The following ARHGAP32 variants were observed in gnomAD, a reference collection of about 807,000 sequenced individuals.
ARHGAP32 encodes Rho GTPase activating protein 32, also known as rho GTPase-activating protein 32.
Under a neutral mutation model 186.5 loss-of-function variants are expected in ARHGAP32, and 51 were observed. That is an observed-to-expected ratio of 0.27 (90% CI 0.22 to 0.35). The LOEUF is 0.35. Ranked by LOEUF, ARHGAP32 falls within the 10% of genes least tolerant of loss-of-function variation. The pLI is 1.00. For missense variants in ARHGAP32, 2,186 were observed against 2,623.5 expected (o/e 0.83, Z 3.64); for synonymous variants, 950 against 964.3 (o/e 0.99, Z 0.27).
chr11:129,188,994 T>G (rs1944221152), intron 1 of ARHGAP32, among the ~76,000 whole-genome samples: 1 of 152,194 alleles, frequency 6.6e-6, no homozygotes, highest in Admixed American at 6.5e-5. Context: ...ACTAGAACCT[T>G]TCATGATTCC....
chr11:129,023,192 G>C (rs1434745574), intron 11 of ARHGAP32, among the ~76,000 whole-genome samples: 1 of 152,094 alleles, frequency 6.6e-6, no homozygotes, highest in East Asian at 1.9e-4. Context: ...TATTACCGAG[G>C]TCTAAAGAAA....
chr11:128,983,476 A>T (rs933737457), intron 15 of ARHGAP32, among the ~76,000 whole-genome samples: 3 of 149,792 alleles, frequency 2.0e-5, no homozygotes, highest in African/African-American at 7.4e-5. Context: ...GGGGAACATC[A>T]CACACCGGGG....
chr11:129,034,249 G>A (rs1939231854), intron 11 of ARHGAP32, among the ~76,000 whole-genome samples: 1 of 152,074 alleles, frequency 6.6e-6, no homozygotes, highest in Non-Finnish European at 1.5e-5. Context: ...ATATGCAGGG[G>A]TCACTCTTCA....
intron 6 of ARHGAP32, among the ~76,000 whole-genome samples, chr11:129,083,369 T>C (rs1417426244): frequency 6.6e-6 from 1 of 152,160 alleles, no homozygotes; most frequent in Non-Finnish European, 1.5e-5. Flanking sequence ...AAATGTGGTA[T>C]ACCATGCAAT....
intron 6 of ARHGAP32, among the ~76,000 whole-genome samples, chr11:129,081,831 T>C (rs749232993): frequency 5.9e-5 from 9 of 152,106 alleles, no homozygotes; most frequent in Non-Finnish European, 8.8e-5. Context: ...ACCAATGATA[T>C]GATTGTATAC....
Position 128,970,959 on chromosome 11 carries a change from C to T in ARHGAP32, c.4254G>A (p.Ala1418=), listed in dbSNP as rs1008135511. 55 of 1,613,874 alleles carry T rather than the reference C, an allele frequency of 3.4e-5. No homozygotes were observed. The highest frequency in any genetic ancestry group is 6.7e-5 in the East Asian group (3 of 44,872). ...LLHLRAESVP[A]HPCGFPAPLP... ...GTGGTGCAGGAAAGCCACAGGGATG[C>T]GCAGGGACAGACTCGGCGCGCAGGT... Residue 1418 remains alanine (A), a synonymous_variant, in exon 23 of 23, where the codon GCG becomes GCA. Coordinates refer to ENST00000682385, the MANE Select transcript of ARHGAP32 (RefSeq NM_001378024.1). The surrounding 1 kb of genome is among the most constrained non-coding windows in gnomAD (Gnocchi z 5.8).
rs61746212 is a variant in ARHGAP32 at position 128,969,694 on chromosome 11, C to T, written c.5519G>A (p.Arg1840His). 2.1e-4 allele frequency: 335 copies of T among 1,614,130 alleles called. 1 individual carries two copies. The African/African-American group carries it at 3.9e-3, about 19-fold the overall frequency. The change falls in exon 23 of 23, where the codon CGC (arginine) becomes CAC (histidine). Residue 1840 changes from arginine to histidine, a missense_variant. Physicochemically the swap from Arg to His is conservative, Grantham distance 29. Transcript: ENST00000682385. This position sits in a 1 kb window ranked among gnomAD's most constrained non-coding sequence, Gnocchi z 4.8. ...TGCCTCGGGATGCCTCCTATAGAAGCGGTCCTCTCCCTCGGGACTGATGGC... is the reference window on the plus strand; with the variant it reads ...TGCCTCGGGATGCCTCCTATAGAAGTGGTCCTCTCCCTCGGGACTGATGGC... ...AKAISPEGED[R>H]FYRRHPEAEM...
At position 128,998,468 on chromosome 11, in the gene ARHGAP32, A is replaced by G. The variant is rs754094416; in HGVS notation, c.1046T>C (p.Val349Ala). The change falls in exon 12 of 23, where the codon GTG becomes GCG. Residue 349 changes from valine to alanine, a missense_variant and splice_region_variant. Val to Ala is a moderately conservative substitution (Grantham distance 64). Transcript: ENST00000682385. Reference sequence around the variant, plus strand: ...AATGAGCTTGCCGTGCTTTTTAGACACTAAAAATCAATAAAGAGAAAAGAT... The same window carrying G: ...AATGAGCTTGCCGTGCTTTTTAGACGCTAAAAATCAATAAAGAGAAAAGAT... ...QSVTNSVPKP[V>A]SKKHGKLITF... is the part of the protein sequence containing the mutation. The G allele has an allele frequency of 6.5e-7, 1 of 1,531,042 alleles. No individual in the cohort carries two copies. The allele number at this position is 1,531,042 out of a possible 1,614,324, so 94.8% of individuals were successfully genotyped here.
intron 1 of ARHGAP32, among the ~76,000 whole-genome samples, chr11:129,241,344 T>C (rs1945014914): frequency 6.6e-6 from 1 of 152,170 alleles, no homozygotes; most frequent in African/African-American, 2.4e-5. Flanking sequence ...ATTTTGATAC[T>C]ATAAAAACAG....
rs532529608 is a variant in ARHGAP32, at chr11:129,270,184, TAAAA to T, written c.-5+8958_-5+8961del. On this transcript the variant is annotated intron_variant, in intron 1 of 6. Coordinates refer to the ARHGAP32 transcript ENST00000525234. ...CAGACAATGGAATATTACTCAGCAA[TAAAA>T]AAGAAATGAACAATCAAGCCACGAA... 2.6e-4 allele frequency among the ~76,000 whole-genome samples: 40 copies of T among 151,712 alleles called. 1 individual carries two copies. Among genetic ancestry groups the T allele is most frequent in the Admixed American group, 1.4e-3 (22 of 15,232 alleles).
intron 11 of ARHGAP32, among the ~76,000 whole-genome samples, chr11:129,029,813 A>AC (rs1555075675): frequency 6.7e-6 from 1 of 150,270 alleles, no homozygotes; most frequent in Non-Finnish European, 1.5e-5. Flanking sequence ...AAAAAAAAAA[A>AC]AAAAAAAAAA....
At chr11:129,201,521 CAGAAA>C (rs1565467127) in intron 1 of ARHGAP32, among the ~76,000 whole-genome samples, 15 of 152,118 alleles carry the variant, frequency 9.9e-5, no homozygotes, top group South Asian at 6.2e-4. Context: ...AAAAAATAAT[CAGAAA>C]ACCCTACAGA....
chr11:129,192,253 C>T lies in ARHGAP32; in HGVS notation c.-55G>A, dbSNP rs1379599011. Reference sequence around the variant, plus strand: ...CCTCCAGGCATGGAATAAAAAGCACCAACATTCAGGTTGTTCAGCTCTACT... The same window carrying T: ...CCTCCAGGCATGGAATAAAAAGCACTAACATTCAGGTTGTTCAGCTCTACT... On this transcript the variant is annotated 5_prime_UTR_variant, in exon 1 of 23. The change creates a premature stop within an existing upstream ORF in the 5' untranslated region. Transcript: ENST00000682385. 51 of 1,285,196 alleles carry T rather than the reference C, an allele frequency of 4.0e-5. No homozygotes were observed. The highest frequency in any genetic ancestry group is 3.7e-4 in the South Asian group (31 of 83,708). 79.6% of individuals were successfully genotyped at this position (1,285,196 alleles called of 1,614,324 possible).
chr11:128,982,068 T>C (rs1472945726), intron 15 of ARHGAP32, 132 bp from the exon 16 acceptor site: 1 of 526,890 alleles, frequency 1.9e-6, no homozygotes, highest in Non-Finnish European at 3.3e-6. Flanking sequence ...CAAGAGAACT[T>C]TTTTTTCCTG....
At chr11:128,987,878 C>T in intron 13 of ARHGAP32, 145 bp downstream of exon 13, 1 of 620,778 alleles carries the variant, frequency 1.6e-6, no homozygotes, top group South Asian at 2.3e-5. Context: ...GAAAAGTATA[C>T]AGAGACAATA....
intron 1 of ARHGAP32, among the ~76,000 whole-genome samples, chr11:129,204,473 G>A (rs558741004): frequency 6.6e-6 from 1 of 152,056 alleles, no homozygotes; most frequent in Non-Finnish European, 1.5e-5. Context: ...AAAGCTCAAG[G>A]TATTGCACAC....
At chr11:129,208,630 G>T (rs540401631) in intron 1 of ARHGAP32, among the ~76,000 whole-genome samples, 1 of 151,470 alleles carries the variant, frequency 6.6e-6, no homozygotes, top group East Asian at 1.9e-4. Context: ...TCAAACAACC[G>T]GACAGTGGAT....
rs1039396125 is a variant in ARHGAP32, at chr11:129,086,682, G to A, written c.531+6939C>T. Among the ~76,000 whole-genome samples the A allele has an allele frequency of 1.2e-3, 188 of 152,094 alleles. 1 individual carries two copies. The highest frequency in any genetic ancestry group is 2.9e-3 in the Admixed American group (44 of 15,284). ...TAAAAATACAAAAAATTAGCCGGGCGTGGTGGTGGGCGCCTGTAGTCCCAG... is the reference window on the plus strand; with the variant it reads ...TAAAAATACAAAAAATTAGCCGGGCATGGTGGTGGGCGCCTGTAGTCCCAG... On this transcript the variant is annotated intron_variant, in intron 6 of 22. Transcript: ENST00000682385.
chr11:129,059,032 T>C (rs1258004133), intron 10 of ARHGAP32, among the ~76,000 whole-genome samples: 1 of 152,240 alleles, frequency 6.6e-6, no homozygotes, highest in African/African-American at 2.4e-5. Context: ...TGCTTTGCAG[T>C]CCACAGTTGG....
Sources: allele counts gnomAD v4.1 joint callset (sites outside exome capture counted in the v4.1 genomes callset), GRCh38; gene constraint gnomAD v4.1.1; non-coding constraint Gnocchi (gnomAD v3.1); transcripts MANE v1.5; gene names NCBI Gene and HGNC (gene_info 2026-07-23, HGNC 2026-07-21).